The following UGT2A3 variants were observed in gnomAD, a reference collection of about 807,000 sequenced individuals.
UGT2A3 encodes UDP-glucuronosyltransferase 2A3.
A neutral mutation model predicts 44.1 loss-of-function variants in UGT2A3; 55 were observed. The ratio of observed to expected loss-of-function variants is 1.25; its 90% confidence interval spans 1.00 to 1.56. UGT2A3 has a LOEUF of 1.56. Ranked by LOEUF, UGT2A3 falls within the 40% of genes most tolerant of loss-of-function variation. UGT2A3 has a pLI of 0.00. For missense variants in UGT2A3, 733 were observed against 621.6 expected (o/e 1.18, Z -1.91); for synonymous variants, 243 against 215.1 (o/e 1.13, Z -1.13).
Position 68,951,410 on chromosome 4 carries a change from T to A in UGT2A3, c.351A>T (p.Ile117=). The change falls in exon 1 of 6, where the codon ATA becomes ATT. Residue 117 remains isoleucine, a synonymous_variant. Coordinates refer to ENST00000251566, the MANE Select transcript of UGT2A3 (RefSeq NM_024743.4). The part of the protein sequence containing the change: ...VIKLNDFFVE[I]RGTLKMMCES... ...CACACATCATTTTTAAAGTTCCTCTTATTTCAACAAAAAAATCATTTAATT... is the reference window on the plus strand; with the variant it reads ...CACACATCATTTTTAAAGTTCCTCTAATTTCAACAAAAAAATCATTTAATT... 6.2e-7 allele frequency: 1 copy of A among 1,611,666 alleles called. No individual in the cohort carries two copies. The highest frequency in any genetic ancestry group is 8.5e-7 in the Non-Finnish European group (1 of 1,179,036).
intron 2 of UGT2A3, among the ~76,000 whole-genome samples, chr4:68,936,943 G>A (rs1026599897): frequency 1.6e-5 from 2 of 125,498 alleles, no homozygotes; most frequent in Non-Finnish European, 3.4e-5. Context: ...TGATAAAACA[G>A]GCTTTAAACC....
At chr4:68,943,153 G>T in intron 2 of UGT2A3, 1 of 313,076 alleles carries the variant, frequency 3.2e-6, no homozygotes, top group Non-Finnish European at 5.7e-6. Context: ...ATTACTGTAT[G>T]GATCTAACTT....
chr4:68,932,580 G>A, intron 3 of UGT2A3, 48 bp downstream of exon 3: 1 of 1,566,374 alleles, frequency 6.4e-7, no homozygotes, highest in South Asian at 1.2e-5. Context: ...AAACCATACT[G>A]TTTCATTATG....
rs372791849 is a variant in UGT2A3 at position 68,951,085 on chromosome 4, C to T, written c.676G>A (p.Asp226Asn). The T allele has an allele frequency of 1.8e-5, 29 of 1,605,530 alleles. No individual in the cohort carries two copies. Among genetic ancestry groups the T allele is most frequent in the African/African-American group, 4.0e-5 (3 of 74,476 alleles). The change falls in exon 1 of 6, where the codon GAC (aspartate) becomes AAC (asparagine). Residue 226 changes from aspartate to asparagine, a missense_variant. Physicochemically the swap from Asp to Asn is conservative, Grantham distance 23. Coordinates refer to ENST00000251566, the MANE Select transcript of UGT2A3 (RefSeq NM_024743.4). ...VLFHFWIQDY[D>N]YHFWEEFYSK... Reference sequence around the variant, plus strand: ...TAAAACTCTTCCCAAAAATGATAGTCGTAATCCTGAATCCAGAAGTGGAAC... The same window carrying T: ...TAAAACTCTTCCCAAAAATGATAGTTGTAATCCTGAATCCAGAAGTGGAAC...
chr4:68,942,510 T>TATATATATATAC (rs1430673898), intron 2 of UGT2A3, among the ~76,000 whole-genome samples: 4 of 8,870 alleles, frequency 4.5e-4, no homozygotes, highest in South Asian at 0.019. Flanking sequence ...TGGAGATATA[T>TATATATATATAC]ATATATATAT....
At chr4:68,940,091 CT>C (rs1196385787) in intron 2 of UGT2A3, among the ~76,000 whole-genome samples, 1 of 152,124 alleles carries the variant, frequency 6.6e-6, no homozygotes, top group Non-Finnish European at 1.5e-5. Flanking sequence ...CGTTTTTACA[CT>C]GTTGGTGGGA....
intron 2 of UGT2A3, among the ~76,000 whole-genome samples, chr4:68,939,477 G>T (rs1451309669): frequency 2.0e-5 from 3 of 152,064 alleles, no homozygotes; most frequent in African/African-American, 7.2e-5. Context: ...AAATGGTGTT[G>T]GGAAAACACG....
chr4:68,951,729 A>T lies in UGT2A3; in HGVS notation c.32T>A (p.Leu11Gln). 6.2e-7 allele frequency: 1 copy of T among 1,602,870 alleles called. No homozygotes were observed. Among genetic ancestry groups the T allele is most frequent in the Non-Finnish European group, 8.5e-7 (1 of 1,174,698 alleles). The part of the protein sequence containing the change: MRSDKSALVF[L>Q]LLQLFCVGCG... ...GCCAACACAGAAGAGCTGCAGGAGC[A>T]GAAATACCAAAGCTGACTTGTCAGA... The change falls in exon 1 of 6, where the codon CTG (leucine) becomes CAG (glutamine). Residue 11 changes from leucine to glutamine, a missense_variant. Leu to Gln is a moderately radical substitution (Grantham distance 113). Transcript: ENST00000251566.
In UGT2A3 at chr4:68,930,559, T is replaced by A. The variant is rs1717694300; in HGVS notation, c.1291A>T (p.Ile431Phe). ...EDLLRALRTV[I>F]TDSSYKENAM... is the part of the protein sequence containing the mutation. ...AGTAGTACTTACGAGGAATCGGTAA[T>A]GACTGTTCTCAAAGCCCTCAGTAAA... is the stretch of plus-strand genomic sequence containing the variant. The change falls in exon 5 of 6, where the codon ATT (isoleucine) becomes TTT (phenylalanine). Residue 431 changes from isoleucine (I) to phenylalanine (F), a missense_variant. Ile to Phe is a conservative substitution (Grantham distance 21). Coordinates refer to ENST00000251566, the MANE Select transcript of UGT2A3 (RefSeq NM_024743.4). 1 of 1,610,728 alleles carries A rather than the reference T, an allele frequency of 6.2e-7. No individual in the cohort carries two copies. The highest frequency in any genetic ancestry group is 1.3e-5 in the African/African-American group (1 of 74,834).
At position 68,951,154 on chromosome 4, in the gene UGT2A3, TTCTG is replaced by T. The variant is rs776876604; in HGVS notation, c.603_606del (p.Asp201GlufsTer2). On this transcript the variant is annotated frameshift_variant, in exon 1 of 6. Transcript: ENST00000251566. LOFTEE classifies it high-confidence loss of function. ...TTTTTTACTCTTTCCAGAAAGGTCA[TTCTG>T]TCTGTTAGTCCTGTCATAGGCACAG... 40 of 1,611,886 alleles carry T rather than the reference TTCTG, an allele frequency of 2.5e-5. No individual in the cohort carries two copies. The African/African-American group carries it at 4.1e-4, about 17-fold the overall frequency.
In UGT2A3 at chr4:68,951,124, T is replaced by C. The variant is rs746466233; in HGVS notation, c.637A>G (p.Met213Val). ...CAGAAGTGGAACAAAACTGAAAGCATTGAATTTTTTACTCTTTCCAGAAAG... is the reference window on the plus strand; with the variant it reads ...CAGAAGTGGAACAAAACTGAAAGCACTGAATTTTTTACTCTTTCCAGAAAG... ...MTFLERVKNS[M>V]LSVLFHFWIQ... The change falls in exon 1 of 6, where the codon ATG (methionine) becomes GTG (valine). Residue 213 changes from methionine (M) to valine (V), a missense_variant. Transcript: ENST00000251566. 23 of 1,611,404 alleles carry C rather than the reference T, an allele frequency of 1.4e-5. No individual in the cohort carries two copies. Among genetic ancestry groups the C allele is most frequent in the South Asian group, 2.2e-5 (2 of 90,850 alleles).
chr4:68,943,497 G>T, intron 2 of UGT2A3: 1 of 296,742 alleles, frequency 3.4e-6, no homozygotes, highest in Non-Finnish European at 5.8e-6. Flanking sequence ...TTCCTTATAG[G>T]ATTTTGATTA....
At chr4:68,932,290 A>G (rs1231578601) in intron 3 of UGT2A3, among the ~76,000 whole-genome samples, 2 of 151,060 alleles carry the variant, frequency 1.3e-5, no homozygotes, top group Non-Finnish European at 3.0e-5. Context: ...TTTTTTTTAT[A>G]TCAGTTTTCC....
rs752360859 is a variant in UGT2A3, at chr4:68,932,707, G to A, written c.917C>T (p.Ser306Phe). The A allele has an allele frequency of 2.9e-5, 47 of 1,611,826 alleles. No homozygotes were observed. In the South Asian group the frequency reaches 4.8e-4, roughly 17 times the overall value. Residue 306 changes from serine (S) to phenylalanine (F), a missense_variant, in exon 3 of 6, where the codon TCT becomes TTT. By Grantham distance (155) the Ser-to-Phe change is radical. Transcript: ENST00000251566. Reference sequence around the variant, plus strand: ...AACATTTTGAAACAGTGACCCCAGAGAAAACACCACAATACCATCTTCCCC... The same window carrying A: ...AACATTTTGAAACAGTGACCCCAGAAAAAACACCACAATACCATCTTCCCC... Reference protein sequence around the residue: ...SSGEDGIVVFSLGSLFQNVTE... With the variant: ...SSGEDGIVVFFLGSLFQNVTE...
At position 68,931,202 on chromosome 4, in the gene UGT2A3, C is replaced by T; in HGVS notation, c.1037G>A (p.Gly346Glu). 5 of 1,612,942 alleles carry T rather than the reference C, an allele frequency of 3.1e-6. No individual in the cohort carries two copies. Among genetic ancestry groups the T allele is most frequent in the Non-Finnish European group, 4.2e-6 (5 of 1,179,348 alleles). The change falls in exon 4 of 6, where the codon GGA becomes GAA. Residue 346 changes from glycine (G) to glutamate (E), a missense_variant. Physicochemically the swap from Gly to Glu is moderately conservative, Grantham distance 98. Coordinates refer to ENST00000251566, the MANE Select transcript of UGT2A3 (RefSeq NM_024743.4). ...CCAATCATACAGCCGAGTATTGGCT[C>T]CTAATGTGGATGGTTTTTTTCCTTT... ...RYKGKKPSTLGANTRLYDWIP... is the reference protein window; with the variant it reads ...RYKGKKPSTLEANTRLYDWIP...
In UGT2A3 at chr4:68,951,462, C is replaced by A; in HGVS notation, c.299G>T (p.Gly100Val). The A allele has an allele frequency of 1.2e-6, 2 of 1,612,440 alleles. No homozygotes were observed. The highest frequency in any genetic ancestry group is 1.7e-6 in the Non-Finnish European group (2 of 1,179,194). ...TATAACTGATTGCCAGGTTGATAAG[C>A]CTGGCAAGACATTCAGAGCTAGGTC... ...FVDLALNVLP[G>V]LSTWQSVIKL... The change falls in exon 1 of 6, where the codon GGC (glycine) becomes GTC (valine). Residue 100 changes from glycine (G) to valine (V), a missense_variant. By Grantham distance (109) the Gly-to-Val change is moderately radical (BLOSUM62 -3). Transcript: ENST00000251566.
chr4:68,938,765 C>T (rs556965811), intron 2 of UGT2A3, among the ~76,000 whole-genome samples: 2 of 152,092 alleles, frequency 1.3e-5, no homozygotes, highest in South Asian at 4.1e-4. Flanking sequence ...TCAAATTGTC[C>T]CCGTTTGCAG....
intron 2 of UGT2A3, among the ~76,000 whole-genome samples, chr4:68,941,805 G>T (rs995176376): frequency 6.6e-6 from 1 of 151,680 alleles, no homozygotes; most frequent in South Asian, 2.1e-4. Context: ...TTACTAATTT[G>T]ATTAAAAAAT....
intron 2 of UGT2A3, among the ~76,000 whole-genome samples, chr4:68,935,627 T>C (rs1015554713): frequency 2.6e-5 from 4 of 152,014 alleles, no homozygotes; most frequent in African/African-American, 9.6e-5. Context: ...AAAAGCTGAA[T>C]GTTCTAAAAA....
Sources: gnomAD v4.1 joint callset for allele counts (sites outside exome capture counted in the v4.1 genomes callset) on GRCh38, gnomAD v4.1.1 for gene constraint, MANE v1.5 for transcripts, NCBI Gene and HGNC (gene_info 2026-07-23, HGNC 2026-07-21) for gene names.